Variants in CSNK2A1 observed in about 807,000 individuals in gnomAD.
CSNK2A1 encodes the protein casein kinase 2 alpha 1.
A neutral mutation model predicts 62.9 loss-of-function variants in CSNK2A1; 10 were observed. The ratio of observed to expected loss-of-function variants is 0.16; its 90% confidence interval spans 0.10 to 0.27. The LOEUF (loss-of-function observed/expected upper bound fraction) is 0.27, where lower values mean the gene tolerates loss of function less well. CSNK2A1 is among the 10% of genes least tolerant of loss of function. CSNK2A1 has a pLI of 1.00. For synonymous variants in CSNK2A1, 124 were observed against 167.8 expected, an observed-to-expected ratio of 0.74 and a Z score of 2.02; for missense variants, 160 against 492.0, an observed-to-expected ratio of 0.33 and a Z score of 6.38.
In CSNK2A1 at chr20:480,627, C is replaced by T. The variant is rs2017939585; in HGVS notation, c.*3334G>A. 1 of 152,150 alleles carries T rather than the reference C, an allele frequency of 6.6e-6. No homozygotes were observed. Among genetic ancestry groups the T allele is most frequent in the African/African-American group, 2.4e-5 (1 of 41,426 alleles). 9.4% of individuals were successfully genotyped at this position (152,150 alleles called of 1,614,324 possible). ...TTAGACTCATTTTTTGAGGAAGGAA[C>T]TGAGCATGACCTTACCACACAGCCT... On this transcript the variant is annotated 3_prime_UTR_variant, in exon 14 of 14. Coordinates refer to ENST00000217244, the MANE Select transcript of CSNK2A1 (RefSeq NM_177559.3).
rs867671354 is a variant in CSNK2A1 at position 478,383 on chromosome 20, G to A, written c.*5578C>T. 1,079 of 226,934 alleles carry A rather than the reference G, an allele frequency of 4.8e-3. 3 individuals carry two copies. The highest frequency in any genetic ancestry group is 6.2e-3 in the Non-Finnish European group (684 of 110,572). The allele number at this position is 226,934 out of a possible 1,614,324, so 14.1% of individuals were successfully genotyped here. A position where few individuals can be genotyped will look rare whatever the true frequency, so the allele number is the denominator to read the frequency against. Reference sequence around the variant, plus strand: ...GGTCCTCTCCTTCTAGGTATGGCTAGAAATGTTTATCAATAGCTGAGACTC... The same window carrying A: ...GGTCCTCTCCTTCTAGGTATGGCTAAAAATGTTTATCAATAGCTGAGACTC... On this transcript the variant is annotated 3_prime_UTR_variant, in exon 14 of 14. Coordinates refer to ENST00000217244, the MANE Select transcript of CSNK2A1 (RefSeq NM_177559.3).
intron 2 of CSNK2A1, 29 bp from the exon 3 acceptor site, chr20:508,689 G>T: frequency 1.4e-6 from 1 of 713,040 alleles, no homozygotes; most frequent in East Asian, 2.8e-5. Flanking sequence ...CAAAGTCCAA[G>T]GAATCATTTA....
chr20:506,896 C>T (rs757899142), intron 3 of CSNK2A1: 10 of 152,148 alleles, frequency 6.6e-5, no homozygotes, highest in Admixed American at 5.2e-4. Context: ...AAGTGCAAAG[C>T]ACTCAATTTG....
intron 1 of CSNK2A1, among the ~76,000 whole-genome samples, chr20:533,260 G>T (rs2019250446): frequency 1.3e-5 from 2 of 152,122 alleles, no homozygotes. Context: ...TTTTTTTCTG[G>T]TTTGATTAAG....
chr20:520,672 G>A (rs1263830897), intron 2 of CSNK2A1, among the ~76,000 whole-genome samples: 2 of 152,022 alleles, frequency 1.3e-5, no homozygotes, highest in African/African-American at 4.8e-5. Context: ...GCTAATTTTT[G>A]TATTTTTAGT....
At chr20:538,573 A>T (rs1367086749) in intron 1 of CSNK2A1, among the ~76,000 whole-genome samples, 1 of 152,212 alleles carries the variant, frequency 6.6e-6, no homozygotes, top group Non-Finnish European at 1.5e-5. Context: ...CAAAAAGAAA[A>T]GACTTTTCTT....
At chr20:490,106 A>T (rs1457680377) in intron 9 of CSNK2A1, among the ~76,000 whole-genome samples, 2 of 149,314 alleles carry the variant, frequency 1.3e-5, no homozygotes, top group African/African-American at 4.9e-5. Flanking sequence ...ATCTTGGCTC[A>T]CCACAACCTC....
intron 1 of CSNK2A1, among the ~76,000 whole-genome samples, chr20:542,197 G>A (rs2019464542): frequency 6.6e-6 from 1 of 152,186 alleles, no homozygotes; most frequent in Non-Finnish European, 1.5e-5. Context: ...ACTGTAGTAA[G>A]CACTTGACAC....
chr20:500,177 G>A (rs1190633646), intron 4 of CSNK2A1: 1 of 458,954 alleles, frequency 2.2e-6, no homozygotes, highest in Non-Finnish European at 3.9e-6. Context: ...CACTTCTGCA[G>A]AATTAGCATT....
rs2018125850 is a variant in CSNK2A1, at chr20:487,554, T to C, written c.846A>G (p.Glu282=). ...GCTGATTTTCACTGTGGACAAAGCGTTCCCATCGCTTTCGAGAGTGTCTGC... is the reference window on the plus strand; with the variant it reads ...GCTGATTTTCACTGTGGACAAAGCGCTCCCATCGCTTTCGAGAGTGTCTGC... ...ILGRHSRKRW[E]RFVHSENQHL... The change falls in exon 12 of 14, where the codon GAA becomes GAG. Residue 282 remains glutamate, a synonymous_variant. Transcript: ENST00000217244. 1 of 1,614,218 alleles carries C rather than the reference T, an allele frequency of 6.2e-7. No individual in the cohort carries two copies. Among genetic ancestry groups the C allele is most frequent in the East Asian group, 2.2e-5 (1 of 44,886 alleles).
chr20:538,754 C>T (rs1290331147), intron 1 of CSNK2A1, among the ~76,000 whole-genome samples: 2 of 152,138 alleles, frequency 1.3e-5, no homozygotes, highest in African/African-American at 4.8e-5. Context: ...AAAAATGTAT[C>T]ACCCATTTCC....
intron 2 of CSNK2A1, among the ~76,000 whole-genome samples, chr20:521,300 T>C (rs1458447995): frequency 6.6e-6 from 1 of 152,086 alleles, no homozygotes; most frequent in African/African-American, 2.4e-5. Flanking sequence ...CATAAGTATA[T>C]GAAAAGATAC....
chr20:543,458 C>T (rs1158350954), intron 1 of CSNK2A1, among the ~76,000 whole-genome samples: 1 of 152,138 alleles, frequency 6.6e-6, no homozygotes, highest in African/African-American at 2.4e-5. Flanking sequence ...TCGGCCTCTG[C>T]CCCCAAACCT....
In CSNK2A1 at chr20:499,202, G is replaced by A; in HGVS notation, c.366+53C>T. On this transcript the variant is annotated intron_variant, in intron 6 of 13. Coordinates refer to ENST00000217244, the MANE Select transcript of CSNK2A1 (RefSeq NM_177559.3). The surrounding 1 kb of genome is among the most constrained non-coding windows in gnomAD (Gnocchi z 4.2). ...CTCTTCTAACAGCATCATCCCCAAA[G>A]GCTATGTGGTCTAAAAACCCACTAG... 1 of 1,447,196 alleles carries A rather than the reference G, an allele frequency of 6.9e-7. No individual in the cohort carries two copies. Among genetic ancestry groups the A allele is most frequent in the South Asian group, 1.4e-5 (1 of 71,516 alleles). 89.6% of individuals were successfully genotyped at this position (1,447,196 alleles called of 1,614,324 possible). A position where few individuals can be genotyped will look rare whatever the true frequency, so the allele number is the denominator to read the frequency against.
At chr20:492,405 A>G in intron 8 of CSNK2A1, 41 bp from the exon 9 acceptor site, 2 of 1,596,476 alleles carry the variant, frequency 1.3e-6, no homozygotes, top group Non-Finnish European at 1.7e-6. Flanking sequence ...TCTTTCTCTA[A>G]GCTACCCACA....
chr20:543,722 G>T lies in CSNK2A1; in HGVS notation c.-277C>A. 1 of 398,412 alleles carries T rather than the reference G, an allele frequency of 2.5e-6. No individual in the cohort carries two copies. Among genetic ancestry groups the T allele is most frequent in the South Asian group, 1.3e-4 (1 of 7,772 alleles). The allele number at this position is 398,412 out of a possible 1,614,324, so 24.7% of individuals were successfully genotyped here. ...GGCCGCTCTCCCCTCTGCTCACACA[G>T]ACAATATGGCGGCGATGGAGGAGGA... On this transcript the variant is annotated 5_prime_UTR_variant, in exon 1 of 14. The change creates a new upstream start codon in the 5' untranslated region. Transcript: ENST00000217244.
At chr20:516,599 C>T (rs1477994250) in intron 2 of CSNK2A1, among the ~76,000 whole-genome samples, 2 of 152,146 alleles carry the variant, frequency 1.3e-5, no homozygotes, top group Non-Finnish European at 2.9e-5. Flanking sequence ...TTAGCTAGTC[C>T]CTCCTTCTAA....
At chr20:488,883 G>T in intron 10 of CSNK2A1, 105 bp from the exon 11 acceptor site, 1 of 1,012,832 alleles carries the variant, frequency 9.9e-7, no homozygotes, top group Non-Finnish European at 1.5e-6. Flanking sequence ...ATGTCTACAG[G>T]TATGAATGCT....
At chr20:500,271 C>T (rs1024138794) in intron 4 of CSNK2A1, 8 of 231,184 alleles carry the variant, frequency 3.5e-5, no homozygotes, top group South Asian at 1.8e-4. Context: ...CAATTTAAAT[C>T]GTTAGTAATA....
Sources: allele counts gnomAD v4.1 joint callset (sites outside exome capture counted in the v4.1 genomes callset), GRCh38; gene constraint gnomAD v4.1.1; non-coding constraint Gnocchi (gnomAD v3.1); transcripts MANE v1.5; gene names NCBI Gene and HGNC (gene_info 2026-07-23, HGNC 2026-07-21).